The following METAP1D variants were observed in gnomAD, a reference collection of about 807,000 sequenced individuals.
The protein encoded by METAP1D is methionine aminopeptidase 1D, mitochondrial.
Under a neutral mutation model 40.5 loss-of-function variants are expected in METAP1D, and 31 were observed. The observed-to-expected ratio is 0.77, with a 90% confidence interval of 0.58 to 1.03. The LOEUF is 1.03. Among genes scored for constraint, METAP1D ranks in the 50% least tolerant of loss-of-function variants. The pLI, the probability that METAP1D is intolerant of heterozygous loss-of-function variation, is 0.00. For synonymous variants in METAP1D, 151 were observed against 146.4 expected, an observed-to-expected ratio of 1.03 and a Z score of -0.22; for missense variants, 411 against 420.7, an observed-to-expected ratio of 0.98 and a Z score of 0.20.
chr2:172,063,687 C>G lies in METAP1D; in HGVS notation c.199-24C>G, dbSNP rs766635526. 1.9e-6 allele frequency: 3 copies of G among 1,581,312 alleles called. No homozygotes were observed. The South Asian group carries it at 3.3e-5, about 18-fold the overall frequency. Reference sequence around the variant, plus strand: ...TTGTCGTGCGCTGGGTTCTGATCTTCGTTTTCAATCCTTTTTCCTCAAGCA... The same window carrying G: ...TTGTCGTGCGCTGGGTTCTGATCTTGGTTTTCAATCCTTTTTCCTCAAGCA... On this transcript the variant is annotated intron_variant, in intron 2 of 9. Transcript: ENST00000315796.
chr2:172,020,323 C>T lies in METAP1D; in HGVS notation c.40+20314C>T, dbSNP rs556263302. Among the ~76,000 whole-genome samples the T allele has an allele frequency of 1.4e-4, 22 of 152,282 alleles. 1 individual carries two copies. The South Asian group carries it at 4.3e-3, about 30-fold the overall frequency. ...AAGTGGTTTTTAAAATCTACTTCAA[C>T]TCTGAAATATCAAGGCTTTTCCTCC... On this transcript the variant is annotated intron_variant, in intron 1 of 9. Transcript: ENST00000315796.
At chr2:172,079,563 A>G (rs1690649653) in intron 8 of METAP1D, among the ~76,000 whole-genome samples, 1 of 152,124 alleles carries the variant, frequency 6.6e-6, no homozygotes, top group Non-Finnish European at 1.5e-5. Flanking sequence ...AGACACGATT[A>G]TGTCCCTTGC....
chr2:172,040,103 G>A (rs1049329911), intron 1 of METAP1D, among the ~76,000 whole-genome samples: 10 of 150,976 alleles, frequency 6.6e-5, no homozygotes, highest in South Asian at 2.1e-4. Flanking sequence ...GATTACAGGC[G>A]CTCGCCATCA....
intron 1 of METAP1D, among the ~76,000 whole-genome samples, chr2:172,020,322 A>G (rs1688976771): frequency 6.6e-6 from 1 of 152,084 alleles, no homozygotes; most frequent in Non-Finnish European, 1.5e-5. Context: ...ATCTACTTCA[A>G]CTCTGAAATA....
At chr2:172,063,656 A>T in intron 2 of METAP1D, 55 bp from the exon 3 acceptor site, 1 of 1,353,736 alleles carries the variant, frequency 7.4e-7, no homozygotes. Context: ...TGAAAAAATG[A>T]TCCCATTGTC....
chr2:172,017,722 T>G (rs1303131935), intron 1 of METAP1D, among the ~76,000 whole-genome samples: 3 of 152,246 alleles, frequency 2.0e-5, no homozygotes, highest in Admixed American at 1.3e-4. Flanking sequence ...CCCTTCAAGC[T>G]GTCATCATAT....
chr2:172,025,483 C>T (rs1490175178), intron 1 of METAP1D, among the ~76,000 whole-genome samples: 1 of 151,934 alleles, frequency 6.6e-6, no homozygotes, highest in Non-Finnish European at 1.5e-5. Flanking sequence ...CAAGTGCCAC[C>T]ATACCTGGAT....
At chr2:172,050,450 C>T (rs1199310811) in intron 1 of METAP1D, among the ~76,000 whole-genome samples, 2 of 151,598 alleles carry the variant, frequency 1.3e-5, no homozygotes, top group Admixed American at 6.6e-5. Flanking sequence ...TTTTAAAAAA[C>T]TCATGATGTT....
At chr2:172,020,141 C>A (rs1167483589) in intron 1 of METAP1D, among the ~76,000 whole-genome samples, 1 of 152,190 alleles carries the variant, frequency 6.6e-6, no homozygotes. Flanking sequence ...CGCACGCCAT[C>A]ATGCCCGGCT....
At chr2:172,050,262 TA>T (rs1385262556) in intron 1 of METAP1D, among the ~76,000 whole-genome samples, 1 of 152,190 alleles carries the variant, frequency 6.6e-6, no homozygotes, top group Non-Finnish European at 1.5e-5. Flanking sequence ...TAATGTAATT[TA>T]AAAATATATT....
chr2:172,045,838 T>C lies in METAP1D; in HGVS notation c.41-15660T>C, dbSNP rs184889964. 0.022 allele frequency among the ~76,000 whole-genome samples: 2,048 copies of C among 94,798 alleles called. 317 individuals carry two copies. The East Asian group carries it at 0.35, about 16-fold the overall frequency. 62.2% of individuals were successfully genotyped at this position (94,798 alleles called of 152,430 possible). A position where few individuals can be genotyped will look rare whatever the true frequency, so the allele number is the denominator to read the frequency against. On this transcript the variant is annotated intron_variant, in intron 1 of 9. Coordinates refer to ENST00000315796, the MANE Select transcript of METAP1D (RefSeq NM_199227.3). ...GTGTGTGTATATATATATATATATA[T>C]ATATATATATATATATATATATATA...
intron 1 of METAP1D, among the ~76,000 whole-genome samples, chr2:172,021,548 G>A (rs1312406513): frequency 6.6e-6 from 1 of 152,204 alleles, no homozygotes; most frequent in Non-Finnish European, 1.5e-5. Context: ...GAACTGTGTG[G>A]TGATTCTGAA....
rs1469845955 is a variant in METAP1D at position 172,042,673 on chromosome 2, G to A, written c.41-18825G>A. On this transcript the variant is annotated intron_variant, in intron 1 of 9. Transcript: ENST00000315796. ...TATGTGTATATGTGTACACATATAC[G>A]TGTGTATGTGTATATGTGTACACAT... Among the ~76,000 whole-genome samples, 6 of 9,674 alleles carry A rather than the reference G, an allele frequency of 6.2e-4. 3 individuals are homozygous for A. The highest frequency in any genetic ancestry group is 1.0e-3 in the Non-Finnish European group (4 of 3,968). 6.3% of individuals were successfully genotyped at this position (9,674 alleles called of 152,430 possible).
rs1215774784 is a variant in METAP1D, at chr2:172,081,447, G to A, written c.*1041G>A. 1 of 152,296 alleles carries A rather than the reference G, an allele frequency of 6.6e-6. No individual in the cohort carries two copies. Among genetic ancestry groups the A allele is most frequent in the Non-Finnish European group, 1.5e-5 (1 of 68,100 alleles). 9.4% of individuals were successfully genotyped at this position (152,296 alleles called of 1,614,324 possible). A position where few individuals can be genotyped will look rare whatever the true frequency, so the allele number is the denominator to read the frequency against. ...GCCTACTTGGCCGGGACTGAAGCTT[G>A]CGAGTTGAGCTCCAGTTCGGCCGGC... On this transcript the variant is annotated 3_prime_UTR_variant, in exon 10 of 10. Coordinates refer to ENST00000315796, the MANE Select transcript of METAP1D (RefSeq NM_199227.3).
intron 1 of METAP1D, among the ~76,000 whole-genome samples, chr2:172,058,281 T>C (rs1463337364): frequency 1.3e-5 from 2 of 152,208 alleles, no homozygotes; most frequent in African/African-American, 4.8e-5. Flanking sequence ...TTATTGGGTA[T>C]CTTCTAAATG....
At chr2:172,029,911 A>G (rs1260523945) in intron 1 of METAP1D, among the ~76,000 whole-genome samples, 1 of 151,738 alleles carries the variant, frequency 6.6e-6, no homozygotes, top group Non-Finnish European at 1.5e-5. Context: ...ATGCGCCACC[A>G]CATCCAGCTA....
chr2:172,017,964 T>C (rs776158398), intron 1 of METAP1D, among the ~76,000 whole-genome samples: 5 of 151,534 alleles, frequency 3.3e-5, no homozygotes, highest in Non-Finnish European at 7.4e-5. Flanking sequence ...CCGTCTCTAC[T>C]AAAAATACAA....
At chr2:172,037,835 G>A (rs1476094621) in intron 1 of METAP1D, among the ~76,000 whole-genome samples, 20 of 152,158 alleles carry the variant, frequency 1.3e-4, no homozygotes, top group Admixed American at 1.3e-3. Flanking sequence ...TGTTGTTTCT[G>A]GTGCTAACAG....
At chr2:172,012,459 G>C (rs751678117) in intron 1 of METAP1D, among the ~76,000 whole-genome samples, 2 of 152,144 alleles carry the variant, frequency 1.3e-5, no homozygotes, top group African/African-American at 4.8e-5. Flanking sequence ...GGTGAAGCGT[G>C]GGGGAGAGTA....
Sources: gnomAD v4.1 joint callset for allele counts (sites outside exome capture counted in the v4.1 genomes callset) on GRCh38, gnomAD v4.1.1 for gene constraint, MANE v1.5 for transcripts, NCBI Gene and HGNC (gene_info 2026-07-23, HGNC 2026-07-21) for gene names.